Variants in MAPT observed in about 807,000 individuals in gnomAD.
MAPT encodes the protein microtubule-associated protein tau.
A neutral mutation model predicts 67.9 loss-of-function variants in MAPT; 34 were observed. The observed-to-expected ratio is 0.50, with a 90% CI of 0.38 to 0.67. The LOEUF (loss-of-function observed/expected upper bound fraction) is 0.67, where lower values mean the gene tolerates loss of function less well. MAPT is among the 30% of genes least tolerant of loss of function. The probability of loss-of-function intolerance (pLI) is 0.00; values close to 1 mark genes in which losing one functional copy is unlikely to be tolerated. For missense variants in MAPT, 881 were observed against 1,115.2 expected, an observed-to-expected ratio of 0.79 and a Z score of 2.99; for synonymous variants, 456 against 464.5, an observed-to-expected ratio of 0.98 and a Z score of 0.23.
intron 7 of MAPT, 47 bp downstream of exon 7, chr17:45,990,122 T>C: frequency 6.4e-7 from 1 of 1,570,368 alleles, no homozygotes; most frequent in Non-Finnish European, 8.8e-7. Context: ...TGCTGTGGTT[T>C]GCAAATGTGG....
At chr17:45,945,890 G>A (rs775556004) in intron 1 of MAPT, among the ~76,000 whole-genome samples, 1 of 152,210 alleles carries the variant, frequency 6.6e-6, no homozygotes, top group African/African-American at 2.4e-5. Context: ...AGAACAACTG[G>A]TGTAATATGG....
chr17:45,933,643 G>A (rs2067060619), intron 1 of MAPT, among the ~76,000 whole-genome samples: 1 of 152,216 alleles, frequency 6.6e-6, no homozygotes, highest in Admixed American at 6.5e-5. Context: ...CCCTTGTCCT[G>A]GTGGTGCTAA....
chr17:45,994,545 G>A (rs906181968), intron 8 of MAPT, among the ~76,000 whole-genome samples: 5 of 152,310 alleles, frequency 3.3e-5, no homozygotes, highest in African/African-American at 1.2e-4. Flanking sequence ...GAAATCCGCA[G>A]GGCACGGTGG....
chr17:45,899,253 G>A (rs545344629), intron 1 of MAPT, among the ~76,000 whole-genome samples: 56 of 152,278 alleles, frequency 3.7e-4, no homozygotes, highest in African/African-American at 1.2e-3. Context: ...GTAGAGGCCA[G>A]GAATGCTGTT....
At chr17:45,965,424 C>T (rs989941136) in intron 2 of MAPT, among the ~76,000 whole-genome samples, 10 of 149,902 alleles carry the variant, frequency 6.7e-5, no homozygotes, top group African/African-American at 2.0e-4. Context: ...AGTGAGACTC[C>T]GTCCTAAAAA....
At chr17:45,904,098 A>T (rs867195419) in intron 1 of MAPT, among the ~76,000 whole-genome samples, 9 of 14,608 alleles carry the variant, frequency 6.2e-4, no homozygotes, top group African/African-American at 2.7e-3. Flanking sequence ...TTTATATATT[A>T]TATATATTTA....
At chr17:46,014,195 CCT>C (rs767747364) in intron 10 of MAPT, 46 bp from the exon 11 acceptor site, 39 of 1,060,754 alleles carry the variant, frequency 3.7e-5, no homozygotes, top group South Asian at 5.1e-5. Flanking sequence ...TCTCTGTCTT[CCT>C]CTCTCTCTGC....
chr17:45,991,366 T>A, intron 7 of MAPT, 94 bp from the exon 8 acceptor site: 1 of 1,534,266 alleles, frequency 6.5e-7, no homozygotes. Flanking sequence ...AGCCACGTTT[T>A]GAGTCAAGGT....
intron 1 of MAPT, among the ~76,000 whole-genome samples, chr17:45,903,359 T>C (rs1181792960): frequency 6.6e-6 from 1 of 152,072 alleles, no homozygotes; most frequent in Admixed American, 6.6e-5. Context: ...ACCAAACTAT[T>C]GTCTTGCCTC....
intron 1 of MAPT, among the ~76,000 whole-genome samples, chr17:45,940,134 A>G (rs1598053797): frequency 1.3e-5 from 2 of 152,322 alleles, no homozygotes; most frequent in South Asian, 4.1e-4. Context: ...TATGGCAGAG[A>G]ATGCCATTTT....
intron 1 of MAPT, among the ~76,000 whole-genome samples, chr17:45,916,674 C>G (rs749524918): frequency 1.1e-4 from 17 of 152,232 alleles, no homozygotes; most frequent in Non-Finnish European, 2.1e-4. Flanking sequence ...TCCCTTCTCC[C>G]CAGTCCTCCC....
intron 1 of MAPT, among the ~76,000 whole-genome samples, chr17:45,899,340 G>T (rs1320218917): frequency 6.6e-6 from 1 of 152,210 alleles, no homozygotes; most frequent in East Asian, 1.9e-4. Flanking sequence ...CACTGCTGGG[G>T]TTGACACTGG....
chr17:45,999,679 G>T (rs755031412), intron 9 of MAPT: 2 of 1,565,112 alleles, frequency 1.3e-6, no homozygotes, highest in Admixed American at 1.8e-5. Context: ...AGGGGCAGAT[G>T]GGAGCCCCAG....
At chr17:45,987,880 C>T (rs1043020590) in intron 6 of MAPT, among the ~76,000 whole-genome samples, 2 of 152,198 alleles carry the variant, frequency 1.3e-5, no homozygotes, top group South Asian at 2.1e-4. Context: ...TTGTCAATCA[C>T]GGTGCACATT....
chr17:45,956,900 A>C (rs1169915229), intron 1 of MAPT, among the ~76,000 whole-genome samples: 3 of 151,712 alleles, frequency 2.0e-5, no homozygotes, highest in Non-Finnish European at 4.4e-5. Flanking sequence ...TTCCAGCTTC[A>C]TCCATGTCCC....
intron 1 of MAPT, among the ~76,000 whole-genome samples, chr17:45,943,823 T>C (rs1278701064): frequency 6.6e-6 from 1 of 152,118 alleles, no homozygotes; most frequent in Non-Finnish European, 1.5e-5. Flanking sequence ...AGGAACAGAT[T>C]CTCTGGTTCT....
intron 9 of MAPT, chr17:45,999,229 T>G: frequency 1.3e-6 from 2 of 1,577,486 alleles, no homozygotes; most frequent in Admixed American, 3.5e-5. Flanking sequence ...TTAAAGCCCC[T>G]GTAAACTCTG....
At chr17:45,941,717 T>TCCTGCCTTCCATCCTTCCTG in intron 1 of MAPT, among the ~76,000 whole-genome samples, 1 of 88,426 alleles carries the variant, frequency 1.1e-5, no homozygotes, top group South Asian at 4.4e-4. Context: ...CTTCCTTCCT[T>TCCTGCCTTCCATCCTTCCTG]CCTTCCTTCC....
chr17:45,947,383 CT>C (rs374326954), intron 1 of MAPT, among the ~76,000 whole-genome samples: 339 of 138,400 alleles, frequency 2.4e-3, no homozygotes, highest in Middle Eastern at 7.5e-3. Context: ...CTTTCTTTTT[CT>C]TTTTTTTTTT....
Sources: gnomAD v4.1 joint callset for allele counts (sites outside exome capture counted in the v4.1 genomes callset) on GRCh38, gnomAD v4.1.1 for gene constraint, MANE v1.5 for transcripts, NCBI Gene and HGNC (gene_info 2026-07-23, HGNC 2026-07-21) for gene names.